The following ATG4B variants were observed in gnomAD, a reference collection of about 807,000 sequenced individuals.
ATG4B encodes the protein autophagy related 4B cysteine peptidase, also known as cysteine protease ATG4B.
ATG4B carries 29 observed loss-of-function variants against 56.6 expected under a neutral mutation model. That is an observed-to-expected ratio of 0.51 (90% CI 0.38 to 0.70). ATG4B has a LOEUF of 0.70. ATG4B is among the 30% of genes least tolerant of loss of function. The pLI is 0.00. For missense variants in ATG4B, 461 were observed against 515.5 expected, an observed-to-expected ratio of 0.89 and a Z score of 1.02; for synonymous variants, 224 against 206.1, an observed-to-expected ratio of 1.09 and a Z score of -0.74.
chr2:241,670,400 C>T (rs1190614574), intron 10 of ATG4B, among the ~76,000 whole-genome samples: 1 of 152,074 alleles, frequency 6.6e-6, no homozygotes, highest in Non-Finnish European at 1.5e-5. Flanking sequence ...AGAAGAGCTC[C>T]CCACTTGGCC....
At chr2:241,659,460 G>C (rs2125133674) in intron 7 of ATG4B, 1 of 510,008 alleles carries the variant, frequency 2.0e-6, no homozygotes, top group African/African-American at 1.9e-5. Flanking sequence ...AATCGTTTAT[G>C]AAGGCCCTGC....
chr2:241,663,505 A>C (rs2068654778), intron 7 of ATG4B, among the ~76,000 whole-genome samples: 1 of 152,230 alleles, frequency 6.6e-6, no homozygotes, highest in Non-Finnish European at 1.5e-5. Context: ...TATGTATCTG[A>C]ACCTGATGTG....
chr2:241,668,166 C>G lies in ATG4B; in HGVS notation c.756C>G (p.Ser252=), dbSNP rs2068839004. The change falls in exon 9 of 13, where the codon TCC becomes TCG. Residue 252 remains serine (S), a synonymous_variant. Transcript: ENST00000404914. This position sits in a 1 kb window ranked among gnomAD's most constrained non-coding sequence, Gnocchi z 4.2. ...AGCACTGCTTCATGATGCCCCAGTC[C>G]CTGGGCGTCATCGGAGGGAAGCCCA... ...TLKHCFMMPQ[S]LGVIGGKPNS... The G allele has an allele frequency of 6.2e-7, 1 of 1,605,668 alleles. No homozygotes were observed. The highest frequency in any genetic ancestry group is 1.3e-5 in the African/African-American group (1 of 74,684).
intron 7 of ATG4B, among the ~76,000 whole-genome samples, chr2:241,662,798 C>T (rs941992281): frequency 1.6e-4 from 25 of 151,894 alleles, no homozygotes; most frequent in East Asian, 5.9e-4. Context: ...TAAAGCGGGC[C>T]GGGCGCGGTG....
chr2:241,671,185 C>T, intron 11 of ATG4B, 127 bp from the exon 12 acceptor site: 1 of 808,068 alleles, frequency 1.2e-6, no homozygotes, highest in Non-Finnish European at 2.0e-6. Context: ...GTGGAGCTGC[C>T]TCTGTTTTCT....
chr2:241,653,671 G>A, intron 4 of ATG4B, 61 bp downstream of exon 4: 2 of 1,484,720 alleles, frequency 1.3e-6, no homozygotes, highest in South Asian at 1.2e-5. Context: ...AAAGGGGACT[G>A]TGGGGTCAGG....
At chr2:241,654,705 G>T (rs2068341403) in intron 5 of ATG4B, 58 bp downstream of exon 5, 1 of 1,409,344 alleles carries the variant, frequency 7.1e-7, no homozygotes, top group Middle Eastern at 1.8e-4. Context: ...GGGTGGAGTG[G>T]TCGGTTTCCC....
intron 4 of ATG4B, among the ~76,000 whole-genome samples, chr2:241,654,205 G>A (rs1014333485): frequency 2.6e-5 from 4 of 151,816 alleles, no homozygotes; most frequent in Non-Finnish European, 1.5e-5. Flanking sequence ...GGTGGGTCAC[G>A]AGGTCAGGAG....
intron 7 of ATG4B, among the ~76,000 whole-genome samples, chr2:241,662,319 C>T (rs2068614409): frequency 6.6e-6 from 1 of 152,204 alleles, no homozygotes; most frequent in African/African-American, 2.4e-5. Flanking sequence ...GGCATCTCAT[C>T]TTTGTGCCAT....
At chr2:241,645,247 C>T (rs2068028808) in intron 1 of ATG4B, among the ~76,000 whole-genome samples, 1 of 152,078 alleles carries the variant, frequency 6.6e-6, no homozygotes, top group Admixed American at 6.6e-5. Context: ...GTCTGAGAGT[C>T]TTTATTGGCT....
chr2:241,660,389 C>T (rs753487154), intron 7 of ATG4B, among the ~76,000 whole-genome samples: 3 of 152,118 alleles, frequency 2.0e-5, no homozygotes, highest in East Asian at 1.9e-4. Context: ...TGTGACACAG[C>T]GGAGGGAGTG....
chr2:241,665,423 C>T (rs536248803), intron 7 of ATG4B, among the ~76,000 whole-genome samples: 18 of 152,270 alleles, frequency 1.2e-4, no homozygotes, highest in Non-Finnish European at 1.6e-4. Flanking sequence ...GTTGAGGGTC[C>T]GGTGCTGTGT....
chr2:241,671,161 G>A (rs540375754), intron 11 of ATG4B, 151 bp from the exon 12 acceptor site: 16 of 719,344 alleles, frequency 2.2e-5, no homozygotes, highest in East Asian at 2.7e-5. Flanking sequence ...CTGGGTTCTC[G>A]TGTAGCCTTT....
chr2:241,668,665 C>A lies in ATG4B; in HGVS notation c.937C>A (p.Leu313Ile), dbSNP rs200836542. 2,482 of 1,576,078 alleles carry A rather than the reference C, an allele frequency of 1.6e-3. 3 individuals carry two copies. The highest frequency in any genetic ancestry group is 2.0e-3 in the Non-Finnish European group (2,365 of 1,162,136). Residue 313 changes from leucine to isoleucine, a missense_variant, in exon 10 of 13, where the codon CTT becomes ATT. Physicochemically the swap from Leu to Ile is conservative, Grantham distance 5. Coordinates refer to ENST00000404914, the MANE Select transcript of ATG4B (RefSeq NM_013325.5). This position sits in a 1 kb window ranked among gnomAD's most constrained non-coding sequence, Gnocchi z 4.2. The part of the protein sequence containing the change: ...HPPCRMSIAE[L>I]DPSIAVGFFC... The stretch of plus-strand genomic sequence containing the variant: ...GCCGTGCCGCATGAGCATCGCGGAG[C>A]TTGACCCGTCCATCGCTGTGGTACG...
At position 241,673,205 on chromosome 2, in the gene ATG4B, T is replaced by G. The variant is rs959065444; in HGVS notation, c.*941T>G. On this transcript the variant is annotated 3_prime_UTR_variant, in exon 13 of 13. Transcript: ENST00000404914. Reference sequence around the variant, plus strand: ...AAAGGGGAAAACCACTTGAGTCTTGTGGTGTGTGGTGGGCAGACACCACAG... The same window carrying G: ...AAAGGGGAAAACCACTTGAGTCTTGGGGTGTGTGGTGGGCAGACACCACAG... 7.9e-6 allele frequency: 2 copies of G among 251,664 alleles called. No homozygotes were observed. The highest frequency in any genetic ancestry group is 4.7e-5 in the Admixed American group (1 of 21,430). The allele number at this position is 251,664 out of a possible 1,614,324, so 15.6% of individuals were successfully genotyped here. A position where few individuals can be genotyped will look rare whatever the true frequency, so the allele number is the denominator to read the frequency against.
chr2:241,668,313 GC>G lies in ATG4B; in HGVS notation c.811+94del, dbSNP rs2068843846. 6.9e-7 allele frequency: 1 copy of G among 1,458,002 alleles called. No individual in the cohort carries two copies. The highest frequency in any genetic ancestry group is 1.7e-4 in the Middle Eastern group (1 of 5,802). 90.3% of individuals were successfully genotyped at this position (1,458,002 alleles called of 1,614,324 possible). ...ACCACACCCCAGGTGACCACTTGAG[GC>G]CACTGGTGGAAAAGCAGCATGCCCT... On this transcript the variant is annotated intron_variant, in intron 9 of 12. Transcript: ENST00000404914. This position sits in a 1 kb window ranked among gnomAD's most constrained non-coding sequence, Gnocchi z 4.2.
intron 1 of ATG4B, among the ~76,000 whole-genome samples, chr2:241,640,615 C>T (rs1476409320): frequency 1.3e-5 from 2 of 152,122 alleles, no homozygotes; most frequent in Non-Finnish European, 2.9e-5. Flanking sequence ...GCATTAGCAG[C>T]GAAGTGCGTG....
At chr2:241,658,529 C>T (rs2068487664) in intron 6 of ATG4B, among the ~76,000 whole-genome samples, 1 of 152,244 alleles carries the variant, frequency 6.6e-6, no homozygotes, top group Non-Finnish European at 1.5e-5. Flanking sequence ...CCCACCTCCG[C>T]CAGACCTGAG....
chr2:241,671,272 T>C (rs1460962381), intron 11 of ATG4B, 40 bp from the exon 12 acceptor site: 14 of 1,563,474 alleles, frequency 9.0e-6, no homozygotes, highest in East Asian at 2.3e-5. Context: ...CAGCAAGCAC[T>C]GGGGTGAGGC....
Sources: allele counts gnomAD v4.1 joint callset (sites outside exome capture counted in the v4.1 genomes callset), GRCh38; gene constraint gnomAD v4.1.1; non-coding constraint Gnocchi (gnomAD v3.1); transcripts MANE v1.5; gene names NCBI Gene and HGNC (gene_info 2026-07-23, HGNC 2026-07-21).